The following GRM8 variants were observed in gnomAD, a reference collection of about 807,000 sequenced individuals.
GRM8 encodes metabotropic glutamate receptor 8.
In GRM8, 47 loss-of-function variants were observed where a neutral mutation model predicts 87.2. The ratio of observed to expected loss-of-function variants is 0.54; its 90% CI spans 0.43 to 0.69. The LOEUF is 0.69. Ranked by LOEUF, GRM8 falls within the 30% of genes least tolerant of loss-of-function variation. GRM8 has a pLI of 0.00. For synonymous variants in GRM8, 396 were observed against 404.5 expected, an observed-to-expected ratio of 0.98 and a Z score of 0.25; for missense variants, 1,019 against 1,139.2, an observed-to-expected ratio of 0.89 and a Z score of 1.52.
chr7:126,781,492 G>A (rs1486976086), intron 6 of GRM8, among the ~76,000 whole-genome samples: 4 of 152,030 alleles, frequency 2.6e-5, no homozygotes, highest in Admixed American at 6.6e-5. Context: ...ACTCTCTCAG[G>A]TATTCCCTTT....
intron 2 of GRM8, among the ~76,000 whole-genome samples, chr7:127,135,273 A>G (rs1827884980): frequency 6.6e-6 from 1 of 152,144 alleles, no homozygotes; most frequent in Non-Finnish European, 1.5e-5. Context: ...TTCCATATAA[A>G]TAAATCTGAG....
intron 3 of GRM8, among the ~76,000 whole-genome samples, chr7:127,060,217 T>C (rs1451937939): frequency 6.6e-6 from 1 of 152,168 alleles, no homozygotes; most frequent in African/African-American, 2.4e-5. Context: ...AACACATATC[T>C]TTTTAGAGGT....
chr7:126,833,412 T>C (rs1459740103), intron 6 of GRM8, among the ~76,000 whole-genome samples: 1 of 152,214 alleles, frequency 6.6e-6, no homozygotes, highest in East Asian at 1.9e-4. Flanking sequence ...ATACTAGTTA[T>C]CTTAGTTTGT....
chr7:126,907,126 G>A (rs772564153), intron 3 of GRM8, among the ~76,000 whole-genome samples: 2 of 149,592 alleles, frequency 1.3e-5, no homozygotes, highest in African/African-American at 5.1e-5. Flanking sequence ...AAGAGGAAGA[G>A]GAAGAAGGAG....
chr7:126,697,168 A>T, intron 7 of GRM8, among the ~76,000 whole-genome samples: 1 of 16,614 alleles, frequency 6.0e-5, no homozygotes, highest in Non-Finnish European at 9.6e-5. Flanking sequence ...GTGGAATTAA[A>T]AAAAAAAAAA....
At chr7:126,483,883 A>G (rs1807044518) in intron 9 of GRM8, among the ~76,000 whole-genome samples, 1 of 151,630 alleles carries the variant, frequency 6.6e-6, no homozygotes, top group Non-Finnish European at 1.5e-5. Context: ...CCAAAATTTG[A>G]AAAACAAAAT....
At chr7:127,005,694 T>C in intron 3 of GRM8, among the ~76,000 whole-genome samples, 1 of 151,998 alleles carries the variant, frequency 6.6e-6, no homozygotes, top group East Asian at 1.9e-4. Flanking sequence ...GCACTAGCTT[T>C]AGTAACTCCA....
At chr7:127,125,765 AACACACACAC>A (rs375563287) in intron 2 of GRM8, among the ~76,000 whole-genome samples, 11 of 141,090 alleles carry the variant, frequency 7.8e-5, no homozygotes, top group East Asian at 2.0e-4. Context: ...CAAACAACTA[AACACACACAC>A]ACACACACAC....
At chr7:127,063,053 C>T (rs552292223) in intron 3 of GRM8, among the ~76,000 whole-genome samples, 1 of 151,574 alleles carries the variant, frequency 6.6e-6, no homozygotes, top group South Asian at 2.1e-4. Context: ...GAGATCAAGA[C>T]CATGCTGGCT....
chr7:126,497,758 C>T (rs1361130400), intron 9 of GRM8, among the ~76,000 whole-genome samples: 1 of 151,912 alleles, frequency 6.6e-6, no homozygotes, highest in East Asian at 1.9e-4. Flanking sequence ...CCCGTATGTA[C>T]TGATGTATAA....
chr7:126,619,037 G>A, intron 7 of GRM8, among the ~76,000 whole-genome samples: 1 of 152,148 alleles, frequency 6.6e-6, no homozygotes, highest in Non-Finnish European at 1.5e-5. Flanking sequence ...TATACCCAAA[G>A]GATTATAAAT....
chr7:126,551,210 C>A (rs75803425), intron 8 of GRM8, among the ~76,000 whole-genome samples: 2,367 of 152,180 alleles, frequency 0.016, 65 homozygotes, highest in African/African-American at 0.055. Flanking sequence ...CTTCCCCATG[C>A]AAAATAGCTT....
chr7:126,766,573 C>T lies in GRM8; in HGVS notation c.1357+3292G>A, dbSNP rs747884782. ...TCCTGGCAGACAATCTAGAAGGCCA[C>T]ACTGTACAAACTTGGCAGTTGCCTT... On this transcript the variant is annotated intron_variant, in intron 7 of 10. Transcript: ENST00000339582. 2.9e-4 allele frequency among the ~76,000 whole-genome samples: 44 copies of T among 152,182 alleles called. 1 individual carries two copies. Among genetic ancestry groups the T allele is most frequent in the Middle Eastern group, 6.8e-3 (2 of 294 alleles).
intron 6 of GRM8, among the ~76,000 whole-genome samples, chr7:126,802,705 C>T (rs1165848450): frequency 2.0e-5 from 3 of 152,156 alleles, no homozygotes; most frequent in Non-Finnish European, 4.4e-5. Context: ...ATTATCCTAA[C>T]CATGCCTATT....
intron 3 of GRM8, among the ~76,000 whole-genome samples, chr7:126,950,920 CTT>C (rs35875691): frequency 2.4e-4 from 36 of 147,372 alleles, no homozygotes; most frequent in East Asian, 4.0e-4. Context: ...TTGTCCAAGT[CTT>C]TTTTTTTTTT....
At chr7:126,892,627 T>C (rs906442898) in intron 6 of GRM8, among the ~76,000 whole-genome samples, 3 of 152,136 alleles carry the variant, frequency 2.0e-5, no homozygotes, top group African/African-American at 7.2e-5. Context: ...AGCAGCATGA[T>C]TTATAGTCCT....
intron 9 of GRM8, among the ~76,000 whole-genome samples, chr7:126,453,070 AACACACACACACACACAC>A (rs71177555): frequency 6.9e-5 from 10 of 145,948 alleles, no homozygotes; most frequent in Non-Finnish European, 1.4e-4. Context: ...TTATAGCAGA[AACACACACACACACACAC>A]ACACACACAC....
chr7:126,450,739 C>A (rs1802531704), intron 9 of GRM8, among the ~76,000 whole-genome samples: 1 of 151,848 alleles, frequency 6.6e-6, no homozygotes, highest in African/African-American at 2.4e-5. Context: ...ATTCCCCTAG[C>A]AATTGAAAAT....
chr7:126,927,863 C>A (rs1049303552), intron 3 of GRM8, among the ~76,000 whole-genome samples: 2 of 152,152 alleles, frequency 1.3e-5, no homozygotes, highest in African/African-American at 4.8e-5. Context: ...AATCCCATTA[C>A]TGGGTATACA....
Sources: allele counts gnomAD v4.1 joint callset (sites outside exome capture counted in the v4.1 genomes callset), GRCh38; gene constraint gnomAD v4.1.1; transcripts MANE v1.5; gene names NCBI Gene and HGNC (gene_info 2026-07-23, HGNC 2026-07-21).